FLT3LG: variants seen among roughly 807,000 people sequenced by gnomAD.
The protein encoded by FLT3LG is fms-related tyrosine kinase 3 ligand.
Under a neutral mutation model 30.9 loss-of-function variants are expected in FLT3LG, and 8 were observed. The ratio of observed to expected loss-of-function variants is 0.26; its 90% CI spans 0.15 to 0.47. The LOEUF is 0.47. Among genes scored for constraint, FLT3LG ranks in the 20% least tolerant of loss-of-function variants. The pLI, the probability that FLT3LG is intolerant of heterozygous loss-of-function variation, is 0.99. For missense variants in FLT3LG, 278 were observed against 306.2 expected (o/e 0.91, Z 0.69); for synonymous variants, 123 against 135.9 (o/e 0.91, Z 0.66).
Position 49,486,033 on chromosome 19 carries a change from A to C in FLT3LG, c.*40A>C, listed in dbSNP as rs940335519. ...TTTACAGGGGAGGATACTGAGGCAC[A>C]CAGAGGGGAGTCACCAGCCAGAGGA... On this transcript the variant is annotated 3_prime_UTR_variant, in exon 9 of 9. Transcript: ENST00000597551. 3.3e-5 allele frequency: 5 copies of C among 152,538 alleles called. No individual in the cohort carries two copies. Among genetic ancestry groups the C allele is most frequent in the African/African-American group, 1.2e-4 (5 of 41,452 alleles). 9.4% of individuals were successfully genotyped at this position (152,538 alleles called of 1,614,324 possible). A position where few individuals can be genotyped will look rare whatever the true frequency, so the allele number is the denominator to read the frequency against.
chr19:49,481,125 A>T (rs60403475), intron 8 of FLT3LG: 37,877 of 156,916 alleles, frequency 0.24, 8,672 homozygotes, highest in African/African-American at 0.61. Context: ...GCCCAGGGTG[A>T]GGACCATGAC....
chr19:49,477,608 G>A (rs1236715838), intron 5 of FLT3LG, among the ~76,000 whole-genome samples: 1 of 152,090 alleles, frequency 6.6e-6, no homozygotes, highest in Non-Finnish European at 1.5e-5. Context: ...CAGGCATGGT[G>A]GTGGGCACCT....
At chr19:49,484,064 T>C (rs934645695) in intron 8 of FLT3LG, among the ~76,000 whole-genome samples, 1 of 150,952 alleles carries the variant, frequency 6.6e-6, no homozygotes, top group East Asian at 2.0e-4. Flanking sequence ...TTTGTATTTT[T>C]AGTAGAGGTA....
chr19:49,480,439 A>G lies in FLT3LG; in HGVS notation c.623A>G (p.Gln208Arg). Reference sequence around the variant, plus strand: ...GCCGCTGCCTGGTGCCTGCACTGGCAGAGGACGCGGCGGAGGACACCCCGC... The same window carrying G: ...GCCGCTGCCTGGTGCCTGCACTGGCGGAGGACGCGGCGGAGGACACCCCGC... ...LLAAAWCLHWQRTRRRTPRPG... is the reference protein window; with the variant it reads ...LLAAAWCLHWRRTRRRTPRPG... The change falls in exon 7 of 9, where the codon CAG (glutamine) becomes CGG (arginine). Residue 208 changes from glutamine to arginine, a missense_variant. Gln to Arg is a conservative substitution (Grantham distance 43). This residue lies in a region of FLT3LG where 170 missense variants were observed against 162.0 expected (regional missense o/e 1.05). Transcript: ENST00000597551. The G allele has an allele frequency of 6.3e-7, 1 of 1,597,656 alleles. No individual in the cohort carries two copies. Among genetic ancestry groups the G allele is most frequent in the East Asian group, 2.3e-5 (1 of 43,858 alleles).
chr19:49,484,782 G>T (rs563567557), intron 8 of FLT3LG, among the ~76,000 whole-genome samples: 2 of 151,876 alleles, frequency 1.3e-5, no homozygotes, highest in African/African-American at 2.4e-5. Flanking sequence ...GCCATGAGCC[G>T]CCCTGCCCAA....
At chr19:49,483,363 G>A (rs1006926654) in intron 8 of FLT3LG, among the ~76,000 whole-genome samples, 7 of 151,884 alleles carry the variant, frequency 4.6e-5, no homozygotes, top group Non-Finnish European at 8.8e-5. Context: ...TGATCCGCCC[G>A]CCTCAGCCTC....
chr19:49,474,831 G>A (rs954930288), intron 2 of FLT3LG, among the ~76,000 whole-genome samples, 159 bp downstream of exon 2: 3 of 146,852 alleles, frequency 2.0e-5, no homozygotes, highest in South Asian at 2.2e-4. Context: ...GAGAGGAGAC[G>A]GACAGAGGAG....
At chr19:49,478,826 T>C in intron 5 of FLT3LG, 83 bp from the exon 6 acceptor site, 1 of 1,308,574 alleles carries the variant, frequency 7.6e-7, no homozygotes, top group Non-Finnish European at 1.0e-6. Context: ...TTGCTGGGCA[T>C]CGCCAGCAGG....
chr19:49,476,491 C>G lies in FLT3LG; in HGVS notation c.267C>G (p.Val89=). ...GCTGGATGGAGCGGCTCAAGACTGT[C>G]GCTGGGTCCAAGATGCAAGGCTTGC... ...AQRWMERLKT[V]AGSKMQGLLE... The change falls in exon 5 of 9, where the codon GTC becomes GTG. Residue 89 remains valine (V), a synonymous_variant. Transcript: ENST00000597551. This position sits in a 1 kb window ranked among gnomAD's most constrained non-coding sequence, Gnocchi z 5.3. 1 of 1,614,116 alleles carries G rather than the reference C, an allele frequency of 6.2e-7. No individual in the cohort carries two copies. The highest frequency in any genetic ancestry group is 1.3e-5 in the African/African-American group (1 of 75,046).
Position 49,475,816 on chromosome 19 carries a change from C to T in FLT3LG, c.144+15C>T. On this transcript the variant is annotated intron_variant, in intron 3 of 8. Coordinates refer to ENST00000597551, the MANE Select transcript of FLT3LG (RefSeq NM_001459.4). ...TCCGTGAGCTGGTGAGCGGCGCTGC[C>T]CCGGACCCCCTCATGTGATCCCCCT... The T allele has an allele frequency of 6.2e-7, 1 of 1,609,708 alleles. No individual in the cohort carries two copies. The highest frequency in any genetic ancestry group is 8.5e-7 in the Non-Finnish European group (1 of 1,178,894).
intron 3 of FLT3LG, 126 bp downstream of exon 3, chr19:49,475,927 C>T (rs977599154): frequency 1.9e-6 from 2 of 1,048,762 alleles, no homozygotes; most frequent in East Asian, 2.4e-5. Flanking sequence ...CTCAAGCGAT[C>T]CTCCCACCTT....
At chr19:49,478,339 C>T (rs1429915713) in intron 5 of FLT3LG, among the ~76,000 whole-genome samples, 3 of 151,856 alleles carry the variant, frequency 2.0e-5, no homozygotes, top group Non-Finnish European at 4.4e-5. Context: ...TGGTGGCAGG[C>T]GCCTGTAGTC....
chr19:49,484,288 A>ATTTTTTTTTTTTT (rs745909519), intron 8 of FLT3LG, among the ~76,000 whole-genome samples: 9 of 98,334 alleles, frequency 9.2e-5, no homozygotes, highest in Non-Finnish European at 1.4e-4. Flanking sequence ...TTTTATTATA[A>ATTTTTTTTTTTTT]TTTTTTTTTT....
intron 8 of FLT3LG, among the ~76,000 whole-genome samples, chr19:49,483,400 C>A (rs9749582): frequency 0.03 from 4,561 of 152,122 alleles, 239 homozygotes; most frequent in African/African-American, 0.1. Context: ...CAAGTGTAAG[C>A]CACCGCGCCC....
In FLT3LG at chr19:49,480,459, C is replaced by A. The variant is rs1490523236; in HGVS notation, c.643C>A (p.Pro215Thr). 1 of 1,588,612 alleles carries A rather than the reference C, an allele frequency of 6.3e-7. No homozygotes were observed. Among genetic ancestry groups the A allele is most frequent in the South Asian group, 1.1e-5 (1 of 88,300 alleles). ...LHWQRTRRRT[P>T]RPGEQVPPVP... ...CTGGCAGAGGACGCGGCGGAGGACA[C>A]CCCGCCCTGGGGAGCAGGTGAGCAG... is the stretch of plus-strand genomic sequence containing the variant. Residue 215 changes from proline (P) to threonine (T), a missense_variant, in exon 7 of 9, where the codon CCC becomes ACC. By Grantham distance (38) the Pro-to-Thr change is conservative. This residue lies in a region of FLT3LG where 170 missense variants were observed against 162.0 expected (regional missense o/e 1.05). Transcript: ENST00000597551.
chr19:49,476,583 G>A lies in FLT3LG; in HGVS notation c.342+17G>A. On this transcript the variant is annotated intron_variant, in intron 5 of 8. Transcript: ENST00000597551. This position sits in a 1 kb window ranked among gnomAD's most constrained non-coding sequence, Gnocchi z 5.3. ...GCCTTTCAGGTCAGCCCTCAACTTA[G>A]GGGACAAGTGAGGGGAGGGAGATGC... 1.9e-6 allele frequency: 3 copies of A among 1,613,756 alleles called. No homozygotes were observed. The highest frequency in any genetic ancestry group is 2.5e-6 in the Non-Finnish European group (3 of 1,179,864).
At position 49,476,231 on chromosome 19, in the gene FLT3LG, G is replaced by A. The variant is rs374460840; in HGVS notation, c.198+33G>A. The A allele has an allele frequency of 6.4e-7, 1 of 1,574,774 alleles. No homozygotes were observed. Among genetic ancestry groups the A allele is most frequent in the Non-Finnish European group, 8.7e-7 (1 of 1,147,654 alleles). ...ATGTTGGGAGGGACCTGGGATGGAG[G>A]TGGGGACCACAGACTCAAGATGCTC... On this transcript the variant is annotated intron_variant, in intron 4 of 8. Transcript: ENST00000597551. This position sits in a 1 kb window ranked among gnomAD's most constrained non-coding sequence, Gnocchi z 5.3.
Position 49,480,591 on chromosome 19 carries a change from G to C in FLT3LG, c.700G>C (p.Glu234Gln), listed in dbSNP as rs764422630. The change falls in exon 8 of 9, where the codon GAG becomes CAG. Residue 234 changes from glutamate (E) to glutamine (Q), a missense_variant. Glu to Gln is a conservative substitution (Grantham distance 29). Transcript: ENST00000597551. The stretch of plus-strand genomic sequence containing the variant: ...CAGTCCCCAGGACCTGCTGCTTGTG[G>C]AGCACTGACCTGGCCAAGGCCTCAT... ...VPSPQDLLLV[E>Q]H is the part of the protein sequence containing the mutation. 6.2e-7 allele frequency: 1 copy of C among 1,613,020 alleles called. No individual in the cohort carries two copies. The highest frequency in any genetic ancestry group is 1.3e-5 in the African/African-American group (1 of 75,030).
At chr19:49,484,048 C>T (rs2079710213) in intron 8 of FLT3LG, among the ~76,000 whole-genome samples, 1 of 151,110 alleles carries the variant, frequency 6.6e-6, no homozygotes, top group South Asian at 2.1e-4. Flanking sequence ...CCACACCCAG[C>T]TAATTTTTGT....
Sources: gnomAD v4.1 joint callset for allele counts (sites outside exome capture counted in the v4.1 genomes callset) on GRCh38, gnomAD v4.1.1 for gene constraint, gnomAD v4.1.1 regional missense constraint, Gnocchi (gnomAD v3.1) non-coding constraint, MANE v1.5 for transcripts, NCBI Gene and HGNC (gene_info 2026-07-23, HGNC 2026-07-21) for gene names.